Variants in RAD51D observed in about 807,000 individuals in gnomAD.
The protein encoded by RAD51D is RAD51 paralog D.
A neutral mutation model predicts 44.1 loss-of-function variants in RAD51D; 38 were observed. The observed-to-expected ratio is 0.86, with a 90% CI of 0.67 to 1.13. The LOEUF is 1.13. Among genes scored for constraint, RAD51D ranks in the 50% most tolerant of loss-of-function variants. The pLI, the probability that RAD51D is intolerant of heterozygous loss-of-function variation, is 0.00. For synonymous variants in RAD51D, 141 were observed against 166.6 expected, an observed-to-expected ratio of 0.85 and a Z score of 1.18; for missense variants, 390 against 414.0, an observed-to-expected ratio of 0.94 and a Z score of 0.50.
chr17:35,115,957 G>A (rs1336202725), intron 3 of RAD51D, among the ~76,000 whole-genome samples: 32 of 1,870 alleles, frequency 0.017, no homozygotes, highest in Non-Finnish European at 0.023. Context: ...AGGAAGAAAG[G>A]AAAGAAAGAA....
chr17:35,118,777 C>CT (rs368133644), intron 2 of RAD51D, among the ~76,000 whole-genome samples, 158 bp from the exon 3 acceptor site: 13 of 152,252 alleles, frequency 8.5e-5, no homozygotes, highest in African/African-American at 3.1e-4. Context: ...GGGTCTCACT[C>CT]TGTCGCCCAG....
chr17:35,109,671 C>CT (rs879941380), intron 3 of RAD51D, among the ~76,000 whole-genome samples: 85 of 145,092 alleles, frequency 5.9e-4, no homozygotes, highest in Middle Eastern at 3.5e-3. Flanking sequence ...TAGTGTTGAA[C>CT]TTTTTTTTTT....
At position 35,096,359 on chromosome 17, in the gene RAD51D, A is replaced by G. The variant is rs2091485799; in HGVS notation, c.*4594T>C. ...ATGTTAACACCTTGTTCTTTAAAGGACACACAGGAGGCGATCCTTCTCCTG... is the reference window on the plus strand; with the variant it reads ...ATGTTAACACCTTGTTCTTTAAAGGGCACACAGGAGGCGATCCTTCTCCTG... On this transcript the variant is annotated 3_prime_UTR_variant, in exon 10 of 10. Transcript: ENST00000345365. 2 of 152,174 alleles carry G rather than the reference A, an allele frequency of 1.3e-5. No individual in the cohort carries two copies. Among genetic ancestry groups the G allele is most frequent in the South Asian group, 4.1e-4 (2 of 4,830 alleles). The allele number at this position is 152,174 out of a possible 1,614,324, so 9.4% of individuals were successfully genotyped here. A position where few individuals can be genotyped will look rare whatever the true frequency, so the allele number is the denominator to read the frequency against.
chr17:35,104,820 C>A (rs1181190522), intron 6 of RAD51D: 1 of 151,454 alleles, frequency 6.6e-6, no homozygotes, highest in Non-Finnish European at 1.5e-5. Flanking sequence ...GGTTCTTTTT[C>A]TTTTCTTCTT....
intron 3 of RAD51D, among the ~76,000 whole-genome samples, chr17:35,116,271 C>G (rs2091745046): frequency 6.6e-6 from 1 of 152,178 alleles, no homozygotes; most frequent in Non-Finnish European, 1.5e-5. Context: ...CCCTGCACAC[C>G]TCTACCCCAC....
intron 3 of RAD51D, among the ~76,000 whole-genome samples, chr17:35,112,648 G>C (rs1288319524): frequency 6.6e-6 from 1 of 152,206 alleles, no homozygotes; most frequent in Admixed American, 6.5e-5. Context: ...AAAGTGCTGG[G>C]ATTACAGGCA....
intron 3 of RAD51D, among the ~76,000 whole-genome samples, chr17:35,117,439 C>T (rs992001199): frequency 4.6e-5 from 7 of 152,198 alleles, no homozygotes; most frequent in African/African-American, 1.7e-4. Context: ...GGCCAGCAAA[C>T]GTCTGTCGTC....
In RAD51D at chr17:35,101,185, C is replaced by T. The variant is rs2142410666; in HGVS notation, c.903+16G>A. 3 of 1,614,136 alleles carry T rather than the reference C, an allele frequency of 1.9e-6. No individual in the cohort carries two copies. In the South Asian group the frequency reaches 3.3e-5, roughly 18 times the overall value. On this transcript the variant is annotated intron_variant, in intron 9 of 9. Coordinates refer to ENST00000345365, the MANE Select transcript of RAD51D (RefSeq NM_002878.4). Reference sequence around the variant, plus strand: ...CAGGGCCCAAGATTACTGGCATCTTCCTGGGGCTGGCTCACCTGTCGGGAA... The same window carrying T: ...CAGGGCCCAAGATTACTGGCATCTTTCTGGGGCTGGCTCACCTGTCGGGAA...
intron 6 of RAD51D, among the ~76,000 whole-genome samples, chr17:35,104,528 T>C (rs1294941218): frequency 6.6e-6 from 1 of 152,034 alleles, no homozygotes; most frequent in Non-Finnish European, 1.5e-5. Context: ...GGTGCACACA[T>C]TGGGTGCACA....
intron 3 of RAD51D, among the ~76,000 whole-genome samples, chr17:35,112,673 C>T (rs2091692264): frequency 6.6e-6 from 1 of 152,096 alleles, no homozygotes; most frequent in Admixed American, 6.6e-5. Context: ...CCACTGCGGC[C>T]GGCCAATAAA....
chr17:35,108,613 C>T (rs534211190), intron 3 of RAD51D, among the ~76,000 whole-genome samples: 7 of 151,540 alleles, frequency 4.6e-5, no homozygotes, highest in Middle Eastern at 3.5e-3. Context: ...AGCATTCAAG[C>T]ACGTGTGTTG....
Position 35,119,672 on chromosome 17 carries a change from G to T in RAD51D, c.-59C>A. On this transcript the variant is annotated 5_prime_UTR_variant, in exon 1 of 10. Transcript: ENST00000345365. ...TGCACGTCACGTGGGCATTCGCGGG[G>T]GGTCCTCTCCAGACGCCCCTCCCCT... 1 of 1,575,274 alleles carries T rather than the reference G, an allele frequency of 6.3e-7. No individual in the cohort carries two copies. The highest frequency in any genetic ancestry group is 8.7e-7 in the Non-Finnish European group (1 of 1,155,734).
chr17:35,118,397 T>TA lies in RAD51D; in HGVS notation c.263+103dup, dbSNP rs147268486. ...CCTTTCCTTCCCATCCATTATTGGTTAAAAAAAAAACCCCTCCCGTCTAGA... is the reference window on the plus strand; with the variant it reads ...CCTTTCCTTCCCATCCATTATTGGTTAAAAAAAAAAACCCCTCCCGTCTAGA... On this transcript the variant is annotated intron_variant, in intron 3 of 9. Coordinates refer to ENST00000345365, the MANE Select transcript of RAD51D (RefSeq NM_002878.4). 0.09 allele frequency: 75,883 copies of TA among 840,070 alleles called. 1,638 individuals carry two copies. Among genetic ancestry groups the TA allele is most frequent in the African/African-American group, 0.14 (7,993 of 57,588 alleles). 52.0% of individuals were successfully genotyped at this position (840,070 alleles called of 1,614,324 possible).
At chr17:35,102,694 T>C (rs1003208252) in intron 8 of RAD51D, among the ~76,000 whole-genome samples, 3 of 152,024 alleles carry the variant, frequency 2.0e-5, no homozygotes, top group Non-Finnish European at 4.4e-5. Context: ...GAAAAAGTAT[T>C]GTATGGAGAT....
chr17:35,104,067 GA>G (rs2142422897), intron 6 of RAD51D, among the ~76,000 whole-genome samples: 1 of 152,268 alleles, frequency 6.6e-6, no homozygotes, highest in South Asian at 2.1e-4. Flanking sequence ...GACAGAGCAA[GA>G]CTCTGTCTCA....
At position 35,115,938 on chromosome 17, in the gene RAD51D, A is replaced by AG. The variant is rs1555569866; in HGVS notation, c.263+2562dup. Among the ~76,000 whole-genome samples the AG allele has an allele frequency of 3.5e-3, 510 of 146,990 alleles. 3 individuals carry two copies. Among genetic ancestry groups the AG allele is most frequent in the African/African-American group, 5.8e-3 (230 of 39,652 alleles). ...AAGGAAGGAAGGAAGGAAGGAAGGA[A>AG]GAAAGAAAAGGAAGAAAGGAAAGAA... On this transcript the variant is annotated intron_variant, in intron 3 of 9. Coordinates refer to ENST00000345365, the MANE Select transcript of RAD51D (RefSeq NM_002878.4).
At chr17:35,118,805 C>T (rs1450828925) in intron 2 of RAD51D, among the ~76,000 whole-genome samples, 186 bp from the exon 3 acceptor site, 1 of 152,186 alleles carries the variant, frequency 6.6e-6, no homozygotes, top group Non-Finnish European at 1.5e-5. Context: ...TGCAGTAGCA[C>T]GATCTCGGCT....
At position 35,100,355 on chromosome 17, in the gene RAD51D, T is replaced by C; in HGVS notation, c.*598A>G. On this transcript the variant is annotated 3_prime_UTR_variant, in exon 10 of 10. Coordinates refer to ENST00000345365, the MANE Select transcript of RAD51D (RefSeq NM_002878.4). Reference sequence around the variant, plus strand: ...TGGGGGAAACTGAAAAACAGCCTTCTAAGGGGAAATCAGGTGGCTCTAGGG... The same window carrying C: ...TGGGGGAAACTGAAAAACAGCCTTCCAAGGGGAAATCAGGTGGCTCTAGGG... 1.9e-6 allele frequency: 1 copy of C among 534,220 alleles called. No individual in the cohort carries two copies. 33.1% of individuals were successfully genotyped at this position (534,220 alleles called of 1,614,324 possible).
rs375953245 is a variant in RAD51D, at chr17:35,115,341, G to A, written c.263+3160C>T. The stretch of plus-strand genomic sequence containing the variant: ...CTGTGGGATGAACAGACCTAGCTCT[G>A]GCCTATAAGGAATAATCAATCTCCC... On this transcript the variant is annotated intron_variant, in intron 3 of 9. Transcript: ENST00000345365. 2.4e-5 allele frequency: 12 copies of A among 506,934 alleles called. No homozygotes were observed. In the East Asian group the frequency reaches 6.1e-4, roughly 26 times the overall value. 31.4% of individuals were successfully genotyped at this position (506,934 alleles called of 1,614,324 possible). A position where few individuals can be genotyped will look rare whatever the true frequency, so the allele number is the denominator to read the frequency against.
Sources: allele counts gnomAD v4.1 joint callset (sites outside exome capture counted in the v4.1 genomes callset), GRCh38; gene constraint gnomAD v4.1.1; transcripts MANE v1.5; gene names NCBI Gene and HGNC (gene_info 2026-07-23, HGNC 2026-07-21).